Variants in TTC28 observed in about 807,000 individuals in gnomAD.
TTC28 encodes tetratricopeptide repeat domain 28.
Under a neutral mutation model 198.0 loss-of-function variants are expected in TTC28, and 61 were observed. The ratio of observed to expected loss-of-function variants is 0.31; its 90% CI spans 0.25 to 0.38. The LOEUF is 0.38. TTC28 is among the 10% of genes least tolerant of loss of function. TTC28 has a pLI of 1.00. For missense variants in TTC28, 2,678 were observed against 3,164.0 expected (o/e 0.85, Z 3.69); for synonymous variants, 1,171 against 1,297.8 (o/e 0.90, Z 2.10).
chr22:28,183,530 C>T (rs1253405223), intron 5 of TTC28, among the ~76,000 whole-genome samples: 3 of 152,152 alleles, frequency 2.0e-5, no homozygotes, highest in African/African-American at 7.2e-5. Context: ...TCCCTGTCAC[C>T]TCAAATCAAG....
chr22:28,489,882 T>C (rs1175164034), intron 2 of TTC28, among the ~76,000 whole-genome samples: 2 of 152,124 alleles, frequency 1.3e-5, no homozygotes, highest in African/African-American at 2.4e-5. Flanking sequence ...GGGGAGTTTA[T>C]TAAGTATTAA....
chr22:28,195,754 GAAC>G (rs1337065665), intron 5 of TTC28, among the ~76,000 whole-genome samples: 1 of 126,122 alleles, frequency 7.9e-6, no homozygotes, highest in Non-Finnish European at 1.7e-5. Context: ...TCTTCAAGGA[GAAC>G]TACAAACCAC....
chr22:28,173,537 A>G (rs1438819894), intron 5 of TTC28, among the ~76,000 whole-genome samples: 1 of 152,222 alleles, frequency 6.6e-6, no homozygotes, highest in Non-Finnish European at 1.5e-5. Flanking sequence ...TTCTCTTTCT[A>G]CAAGATATAA....
intron 14 of TTC28, among the ~76,000 whole-genome samples, chr22:28,010,115 T>G (rs1938088862): frequency 6.6e-6 from 1 of 152,140 alleles, no homozygotes; most frequent in Non-Finnish European, 1.5e-5. Flanking sequence ...GTGGGCGGGT[T>G]CAGGGGCCCC....
intron 2 of TTC28, among the ~76,000 whole-genome samples, chr22:28,505,317 T>A (rs1379368329): frequency 6.6e-6 from 1 of 150,560 alleles, no homozygotes; most frequent in Admixed American, 6.6e-5. Context: ...AGATGGCCGA[T>A]TAGAAGCAGC....
chr22:28,429,704 A>C (rs2047404381), intron 2 of TTC28, among the ~76,000 whole-genome samples: 2 of 152,206 alleles, frequency 1.3e-5, no homozygotes, highest in Non-Finnish European at 2.9e-5. Context: ...CTTAACCTAC[A>C]CATGGCTTAC....
chr22:28,437,774 G>T (rs574590468), intron 2 of TTC28, among the ~76,000 whole-genome samples: 1 of 152,118 alleles, frequency 6.6e-6, no homozygotes, highest in Non-Finnish European at 1.5e-5. Flanking sequence ...TGTTTTTTTG[G>T]TAGAGATGAG....
chr22:28,153,062 A>G (rs1178858461), intron 6 of TTC28, among the ~76,000 whole-genome samples: 1 of 152,186 alleles, frequency 6.6e-6, no homozygotes, highest in Non-Finnish European at 1.5e-5. Context: ...TATAGATAAT[A>G]TGTAACATTA....
At chr22:28,334,033 G>C (rs908010588) in intron 2 of TTC28, among the ~76,000 whole-genome samples, 3 of 126,796 alleles carry the variant, frequency 2.4e-5, no homozygotes, top group Admixed American at 1.0e-4. Context: ...CCCAGTGTGT[G>C]ATGTTCCCCT....
At chr22:28,049,521 G>A (rs912726174) in intron 12 of TTC28, among the ~76,000 whole-genome samples, 2 of 152,082 alleles carry the variant, frequency 1.3e-5, no homozygotes, top group African/African-American at 4.8e-5. Flanking sequence ...CAGGTTTCTG[G>A]AGCAGCAGAG....
chr22:28,644,579 C>G (rs894851241), intron 1 of TTC28, among the ~76,000 whole-genome samples: 1 of 152,002 alleles, frequency 6.6e-6, no homozygotes, highest in African/African-American at 2.4e-5. Flanking sequence ...ATCCCCAGCA[C>G]TTCAGGAGGC....
At chr22:28,467,373 G>A (rs2146291663) in intron 2 of TTC28, among the ~76,000 whole-genome samples, 1 of 152,270 alleles carries the variant, frequency 6.6e-6, no homozygotes, top group South Asian at 2.1e-4. Flanking sequence ...GCTGTGAGCT[G>A]TGATTGCACC....
intron 1 of TTC28, among the ~76,000 whole-genome samples, chr22:28,669,282 C>A: frequency 7.1e-6 from 1 of 141,830 alleles, no homozygotes. Context: ...TGCACATGTA[C>A]CCTAAAACTT....
chr22:28,493,482 G>A (rs1258599487), intron 2 of TTC28, among the ~76,000 whole-genome samples: 3 of 152,154 alleles, frequency 2.0e-5, no homozygotes, highest in Non-Finnish European at 4.4e-5. Flanking sequence ...TCTTTCTACA[G>A]GAATCACATC....
intron 6 of TTC28, among the ~76,000 whole-genome samples, chr22:28,138,261 C>T (rs5997339): frequency 6.0e-4 from 91 of 152,298 alleles, no homozygotes; most frequent in African/African-American, 2.0e-3. Flanking sequence ...TTTTGAGATA[C>T]TGTCGAAAGC....
chr22:28,499,006 T>G (rs695442), intron 2 of TTC28, among the ~76,000 whole-genome samples: 1,653 of 151,894 alleles, frequency 0.011, 35 homozygotes, highest in East Asian at 0.086. Flanking sequence ...TAAGACCCCA[T>G]CTCTGCAAAA....
At chr22:28,201,123 C>T (rs1047700216) in intron 5 of TTC28, among the ~76,000 whole-genome samples, 1 of 152,104 alleles carries the variant, frequency 6.6e-6, no homozygotes, top group African/African-American at 2.4e-5. Context: ...TCAATCAGGT[C>T]ATTAACCAAG....
At chr22:28,166,934 T>C (rs891113541) in intron 5 of TTC28, among the ~76,000 whole-genome samples, 2 of 151,596 alleles carry the variant, frequency 1.3e-5, no homozygotes, top group African/African-American at 2.4e-5. Context: ...GAAAGACTAA[T>C]AAAGAAGAAA....
Position 28,005,293 on chromosome 22 carries a change from T to C in TTC28, c.4219-3740A>G, listed in dbSNP as rs1937889617. Among the ~76,000 whole-genome samples the C allele has an allele frequency of 6.6e-6, 1 of 152,168 alleles. No homozygotes were observed. The highest frequency in any genetic ancestry group is 6.5e-5 in the Admixed American group (1 of 15,286). On this transcript the variant is annotated intron_variant, in intron 14 of 22. Coordinates refer to ENST00000397906, the MANE Select transcript of TTC28 (RefSeq NM_001145418.2). This position sits in a 1 kb window ranked among gnomAD's most constrained non-coding sequence, Gnocchi z 4.9. ...GCAGGCAGGCCACCATGCACAGCAC[T>C]GTGGGGCTGCCCTGGGGCACGGTGA...
Sources: allele counts gnomAD v4.1 joint callset (sites outside exome capture counted in the v4.1 genomes callset), GRCh38; gene constraint gnomAD v4.1.1; non-coding constraint Gnocchi (gnomAD v3.1); transcripts MANE v1.5; gene names NCBI Gene and HGNC (gene_info 2026-07-23, HGNC 2026-07-21).